The following KCNQ1OT1 variants were observed in gnomAD, a reference collection of about 807,000 sequenced individuals.
KCNQ1OT1 encodes the protein KCNQ1 antisense RNA 2 (non-protein coding).
chr11:2,693,174 A>G (rs376801840), exon 1 of KCNQ1OT1: 5 of 398,562 alleles, frequency 1.3e-5, no homozygotes, highest in South Asian at 1.3e-4. Flanking sequence ...CCACTCATGA[A>G]TATCTGGTCT....
In KCNQ1OT1 at chr11:2,642,263, T is replaced by C. The variant is rs1849591919; in HGVS notation, n.57732A>G. The C allele has an allele frequency of 2.5e-6, 1 of 398,310 alleles. No individual in the cohort carries two copies. Among genetic ancestry groups the C allele is most frequent in the African/African-American group, 2.1e-5 (1 of 48,636 alleles). The allele number at this position is 398,310 out of a possible 1,614,324, so 24.7% of individuals were successfully genotyped here. A position where few individuals can be genotyped will look rare whatever the true frequency, so the allele number is the denominator to read the frequency against. ...CCCAATCCATGAGAATGGGATGTTT[T>C]TTGTGTGTTCTTTTCAATTTCTTTC... is the stretch of plus-strand genomic sequence containing the variant. On this transcript the variant is annotated non_coding_transcript_exon_variant, in exon 1 of 1. Coordinates refer to ENST00000597346, the Ensembl canonical transcript of KCNQ1OT1. The surrounding 1 kb of genome is among the most constrained non-coding windows in gnomAD (Gnocchi z 4.3).
chr11:2,696,576 T>C (rs1432910399), exon 1 of KCNQ1OT1: 1 of 398,550 alleles, frequency 2.5e-6, no homozygotes, highest in Non-Finnish European at 4.4e-6. Flanking sequence ...TTTTAGAATA[T>C]GTTTGTTAAA....
At chr11:2,638,858 A>T (rs1404609111) in exon 1 of KCNQ1OT1, 1 of 152,172 alleles carries the variant, frequency 6.6e-6, no homozygotes, top group African/African-American at 2.4e-5. Flanking sequence ...CACCAGTCAG[A>T]TGTAGATTTG....
At chr11:2,631,148 T>G (rs1849346203) in exon 1 of KCNQ1OT1, 1 of 398,454 alleles carries the variant, frequency 2.5e-6, no homozygotes, top group Admixed American at 4.4e-5. Context: ...ATGGGAAGTT[T>G]TCAGCCATTA....
At chr11:2,628,087 T>C (rs1439945649) in exon 1 of KCNQ1OT1, 13 of 398,516 alleles carry the variant, frequency 3.3e-5, no homozygotes, top group Non-Finnish European at 5.8e-5. Context: ...ACTGTAACAC[T>C]ACAATGAACA....
At position 2,676,389 on chromosome 11, in the gene KCNQ1OT1, G is replaced by A. The variant is rs1401342483; in HGVS notation, n.23606C>T. 2 of 398,540 alleles carry A rather than the reference G, an allele frequency of 5.0e-6. No homozygotes were observed. Among genetic ancestry groups the A allele is most frequent in the African/African-American group, 4.1e-5 (2 of 48,642 alleles). The allele number at this position is 398,540 out of a possible 1,614,324, so 24.7% of individuals were successfully genotyped here. ...TATAATTGGAAGGAGCATAGTCTCT[G>A]TGTTCAGCTAGAGATTTAGCCCAAT... On this transcript the variant is annotated non_coding_transcript_exon_variant, in exon 1 of 1. Coordinates refer to ENST00000597346, the Ensembl canonical transcript of KCNQ1OT1. This position sits in a 1 kb window ranked among gnomAD's most constrained non-coding sequence, Gnocchi z 4.2.
Position 2,683,876 on chromosome 11 carries a change from C to G in KCNQ1OT1, n.16119G>C. The G allele has an allele frequency of 2.5e-6, 1 of 398,608 alleles. No individual in the cohort carries two copies. Among genetic ancestry groups the G allele is most frequent in the South Asian group, 1.3e-4 (1 of 7,854 alleles). The allele number at this position is 398,608 out of a possible 1,614,324, so 24.7% of individuals were successfully genotyped here. On this transcript the variant is annotated non_coding_transcript_exon_variant, in exon 1 of 1. Coordinates refer to ENST00000597346, the Ensembl canonical transcript of KCNQ1OT1. This position sits in a 1 kb window ranked among gnomAD's most constrained non-coding sequence, Gnocchi z 4.7. ...CCACACTCACTGCTACATCTCTCTTCCAAATCATAAATGCAAAAGATGGCC... is the reference window on the plus strand; with the variant it reads ...CCACACTCACTGCTACATCTCTCTTGCAAATCATAAATGCAAAAGATGGCC...
chr11:2,617,834 T>C lies in KCNQ1OT1; in HGVS notation n.82161A>G, dbSNP rs1235172200. The C allele has an allele frequency of 2.5e-6, 1 of 398,464 alleles. No individual in the cohort carries two copies. Among genetic ancestry groups the C allele is most frequent in the African/African-American group, 2.1e-5 (1 of 48,648 alleles). The allele number at this position is 398,464 out of a possible 1,614,324, so 24.7% of individuals were successfully genotyped here. ...TGTGTTTGCCATTTTTATAACTTCT[T>C]TGCAAAAATGTCTACTCAGTTCCAC... On this transcript the variant is annotated non_coding_transcript_exon_variant, in exon 1 of 1. Coordinates refer to ENST00000597346, the Ensembl canonical transcript of KCNQ1OT1. The surrounding 1 kb of genome is among the most constrained non-coding windows in gnomAD (Gnocchi z 4.6).
chr11:2,658,027 T>G lies in KCNQ1OT1; in HGVS notation n.41968A>C. On this transcript the variant is annotated non_coding_transcript_exon_variant, in exon 1 of 1. Transcript: ENST00000597346. This position sits in a 1 kb window ranked among gnomAD's most constrained non-coding sequence, Gnocchi z 4.9. ...CTGTTTTTCCCTTTCCATAGCTTAG[T>G]CTTTAGAAGCGAGTCACTAAGTATA... 1 of 398,596 alleles carries G rather than the reference T, an allele frequency of 2.5e-6. No individual in the cohort carries two copies. Among genetic ancestry groups the G allele is most frequent in the Non-Finnish European group, 4.4e-6 (1 of 226,042 alleles). The allele number at this position is 398,596 out of a possible 1,614,324, so 24.7% of individuals were successfully genotyped here.
exon 1 of KCNQ1OT1, chr11:2,646,307 C>G (rs949009905): frequency 5.0e-6 from 2 of 398,342 alleles, no homozygotes; most frequent in African/African-American, 4.1e-5. Flanking sequence ...TAAATATGAT[C>G]ATTTTAACAT....
At chr11:2,660,673 C>G (rs139632274) in exon 1 of KCNQ1OT1, 200 of 398,626 alleles carry the variant, frequency 5.0e-4, no homozygotes, top group African/African-American at 3.8e-3. Context: ...TTCATCCATG[C>G]TTGATAGTCC....
At chr11:2,666,652 G>A (rs1185185213) in exon 1 of KCNQ1OT1, 1 of 398,674 alleles carries the variant, frequency 2.5e-6, no homozygotes, top group Non-Finnish European at 4.4e-6. Context: ...TGGACCAAGG[G>A]GCTAGCTCTT....
chr11:2,625,680 A>G (rs1268520596), exon 1 of KCNQ1OT1: 1 of 394,636 alleles, frequency 2.5e-6, no homozygotes, highest in African/African-American at 2.1e-5. Flanking sequence ...GGTTCACATC[A>G]TTCTCCTGCC....
rs1355057842 is a variant in KCNQ1OT1, at chr11:2,657,106, A to G, written n.42889T>C. On this transcript the variant is annotated non_coding_transcript_exon_variant, in exon 1 of 1. Transcript: ENST00000597346. This position sits in a 1 kb window ranked among gnomAD's most constrained non-coding sequence, Gnocchi z 4.8. ...TTGTCTCTCCCTGTGTCAATACCAC[A>G]TTGCCCTAATGACCACTGCCTTGGA... 7.5e-6 allele frequency: 3 copies of G among 398,620 alleles called. No individual in the cohort carries two copies. The highest frequency in any genetic ancestry group is 1.3e-5 in the Non-Finnish European group (3 of 226,058). 24.7% of individuals were successfully genotyped at this position (398,620 alleles called of 1,614,324 possible).
chr11:2,623,380 G>C lies in KCNQ1OT1; in HGVS notation n.76615C>G. ...CAGATACGTATATTTACATATATTTGTACATTTTCACTGCCCTAAAAGTAC... is the reference window on the plus strand; with the variant it reads ...CAGATACGTATATTTACATATATTTCTACATTTTCACTGCCCTAAAAGTAC... On this transcript the variant is annotated non_coding_transcript_exon_variant, in exon 1 of 1. Transcript: ENST00000597346. The surrounding 1 kb of genome is among the most constrained non-coding windows in gnomAD (Gnocchi z 5.2). 1 of 398,438 alleles carries C rather than the reference G, an allele frequency of 2.5e-6. No individual in the cohort carries two copies. The highest frequency in any genetic ancestry group is 4.4e-6 in the Non-Finnish European group (1 of 226,038). 24.7% of individuals were successfully genotyped at this position (398,438 alleles called of 1,614,324 possible).
chr11:2,688,183 C>T (rs972106262), exon 1 of KCNQ1OT1: 7 of 398,670 alleles, frequency 1.8e-5, no homozygotes, highest in Non-Finnish European at 3.1e-5. Context: ...AGCTCCCAAG[C>T]AAGGGGGCAG....
exon 1 of KCNQ1OT1, chr11:2,686,640 G>A (rs1173888618): frequency 5.0e-6 from 2 of 398,682 alleles, no homozygotes; most frequent in East Asian, 3.6e-5. Context: ...GGCCCAGGCT[G>A]CACAGAGCAT....
chr11:2,690,291 C>G lies in KCNQ1OT1; in HGVS notation n.9704G>C. The G allele has an allele frequency of 2.5e-6, 1 of 398,714 alleles. No individual in the cohort carries two copies. Among genetic ancestry groups the G allele is most frequent in the South Asian group, 1.3e-4 (1 of 7,858 alleles). The allele number at this position is 398,714 out of a possible 1,614,324, so 24.7% of individuals were successfully genotyped here. ...CATCTGCACATATGTGTAGTGTCTT[C>G]CTCCCTGTAGGATTGTCACAAGGAT... On this transcript the variant is annotated non_coding_transcript_exon_variant, in exon 1 of 1. Coordinates refer to ENST00000597346, the Ensembl canonical transcript of KCNQ1OT1. This position sits in a 1 kb window ranked among gnomAD's most constrained non-coding sequence, Gnocchi z 5.1.
chr11:2,664,508 C>G lies in KCNQ1OT1; in HGVS notation n.35487G>C, dbSNP rs986314820. Reference sequence around the variant, plus strand: ...GGGAGAAGGCTGGCAGCAGTGGGCACCCTGTTTCCTCAGGGCCCAAACCGC... The same window carrying G: ...GGGAGAAGGCTGGCAGCAGTGGGCAGCCTGTTTCCTCAGGGCCCAAACCGC... On this transcript the variant is annotated non_coding_transcript_exon_variant, in exon 1 of 1. Coordinates refer to ENST00000597346, the Ensembl canonical transcript of KCNQ1OT1. The surrounding 1 kb of genome is among the most constrained non-coding windows in gnomAD (Gnocchi z 5.1). 1 of 398,666 alleles carries G rather than the reference C, an allele frequency of 2.5e-6. No homozygotes were observed. Among genetic ancestry groups the G allele is most frequent in the Non-Finnish European group, 4.4e-6 (1 of 226,200 alleles). 24.7% of individuals were successfully genotyped at this position (398,666 alleles called of 1,614,324 possible). A position where few individuals can be genotyped will look rare whatever the true frequency, so the allele number is the denominator to read the frequency against.
Sources: gnomAD v4.1 joint callset for allele counts on GRCh38, gnomAD v4.1.1 for gene constraint, Gnocchi (gnomAD v3.1) non-coding constraint, MANE v1.5 for transcripts, NCBI Gene and HGNC (gene_info 2026-07-23, HGNC 2026-07-21) for gene names.